Variants in TSPAN15 observed in about 807,000 individuals in gnomAD.
TSPAN15 encodes tetraspanin 15, also known as tetraspanin-15.
A neutral mutation model predicts 34.5 loss-of-function variants in TSPAN15; 20 were observed. That is an observed-to-expected ratio of 0.58 (90% CI 0.41 to 0.84). TSPAN15 has a LOEUF of 0.84. Among genes scored for constraint, TSPAN15 ranks in the 40% least tolerant of loss-of-function variants. The pLI, the probability that TSPAN15 is intolerant of heterozygous loss-of-function variation, is 0.00. For missense variants in TSPAN15, 313 were observed against 386.1 expected (o/e 0.81, Z 1.59); for synonymous variants, 155 against 153.9 (o/e 1.01, Z -0.05).
chr10:69,496,522 A>G (rs1368461273), intron 4 of TSPAN15, among the ~76,000 whole-genome samples: 1 of 152,078 alleles, frequency 6.6e-6, no homozygotes, highest in Non-Finnish European at 1.5e-5. Flanking sequence ...AATTCAGGAG[A>G]CGTGCTTAGA....
chr10:69,475,270 G>A (rs1164835933), intron 1 of TSPAN15, among the ~76,000 whole-genome samples: 1 of 152,156 alleles, frequency 6.6e-6, no homozygotes, highest in African/African-American at 2.4e-5. Context: ...TCATCGCAGA[G>A]TTCCTTCTTT....
the TSPAN15 span, among the ~76,000 whole-genome samples, chr10:69,547,394 T>C: frequency 6.6e-6 from 1 of 152,236 alleles, no homozygotes; most frequent in Non-Finnish European, 1.5e-5. Flanking sequence ...TGCTCACTGC[T>C]GGGAGAGATA....
the TSPAN15 span, among the ~76,000 whole-genome samples, chr10:69,548,921 G>C: frequency 1.3e-5 from 2 of 149,834 alleles, no homozygotes; most frequent in African/African-American, 4.8e-5. Flanking sequence ...ATATTTCAAT[G>C]GTGGGGCTAA....
At chr10:69,509,579 T>G (rs1842395004), downstream of TSPAN15, among the ~76,000 whole-genome samples, 1 of 152,186 alleles carries the variant, frequency 6.6e-6, no homozygotes. Context: ...CAGAAGCTCT[T>G]TAGTTTAATC....
chr10:69,517,812 C>A, the TSPAN15 span, among the ~76,000 whole-genome samples: 1 of 152,198 alleles, frequency 6.6e-6, no homozygotes, highest in South Asian at 2.1e-4. Flanking sequence ...GGAGCCAGGG[C>A]AACCCATGCA....
intron 4 of TSPAN15, among the ~76,000 whole-genome samples, chr10:69,496,014 C>G (rs1347275426): frequency 6.6e-6 from 1 of 152,122 alleles, no homozygotes; most frequent in East Asian, 1.9e-4. Context: ...CTTGCAGGGT[C>G]CCAGGGCACC....
At position 69,482,068 on chromosome 10, in the gene TSPAN15, C is replaced by CAA. The variant is rs759640769; in HGVS notation, c.97-1610_97-1609dup. ...TATGTTCTAGTGAGGAAGACAAATT[C>CAA]AAAAAAAAAAAAAACCAACCAGAAA... On this transcript the variant is annotated intron_variant, in intron 1 of 7. Transcript: ENST00000373290. Among the ~76,000 whole-genome samples the CAA allele has an allele frequency of 7.2e-4, 87 of 120,332 alleles. 1 individual carries two copies. Among genetic ancestry groups the CAA allele is most frequent in the African/African-American group, 2.0e-3 (67 of 33,700 alleles). The allele number at this position is 120,332 out of a possible 152,430, so 78.9% of individuals were successfully genotyped here. A position where few individuals can be genotyped will look rare whatever the true frequency, so the allele number is the denominator to read the frequency against.
At chr10:69,543,359 G>C in the TSPAN15 span, among the ~76,000 whole-genome samples, 1 of 152,178 alleles carries the variant, frequency 6.6e-6, no homozygotes, top group Non-Finnish European at 1.5e-5. Flanking sequence ...ATGGTGAAAA[G>C]TCTCCTTCCT....
chr10:69,502,281 C>T (rs1226809991), intron 5 of TSPAN15, among the ~76,000 whole-genome samples: 3 of 152,176 alleles, frequency 2.0e-5, no homozygotes, highest in South Asian at 2.1e-4. Context: ...ATATATCCCT[C>T]GGAGATGTTG....
chr10:69,461,121 G>A (rs1207134909), intron 1 of TSPAN15, among the ~76,000 whole-genome samples: 2 of 152,114 alleles, frequency 1.3e-5, no homozygotes, highest in Non-Finnish European at 2.9e-5. Context: ...CGTCTGCCAC[G>A]TGTCTCACCA....
chr10:69,475,185 T>TAA (rs1841590718), intron 1 of TSPAN15, among the ~76,000 whole-genome samples: 1 of 152,174 alleles, frequency 6.6e-6, no homozygotes, highest in Non-Finnish European at 1.5e-5. Context: ...TTCCCATGGC[T>TAA]GTTTCTGTGG....
intron 1 of TSPAN15, among the ~76,000 whole-genome samples, chr10:69,458,546 A>C (rs1674319632): frequency 6.6e-6 from 1 of 152,226 alleles, no homozygotes; most frequent in Admixed American, 6.5e-5. Context: ...TGAAACTCAA[A>C]TAGTGAAGCT....
intron 1 of TSPAN15, among the ~76,000 whole-genome samples, chr10:69,457,980 T>G (rs1328327837): frequency 2.0e-5 from 3 of 152,142 alleles, no homozygotes; most frequent in African/African-American, 7.2e-5. Flanking sequence ...AGTGCAGCCT[T>G]TTAAATTTAC....
Position 69,451,562 on chromosome 10 carries a change from G to A in TSPAN15, c.-33G>A. 7.2e-7 allele frequency: 1 copy of A among 1,392,742 alleles called. No individual in the cohort carries two copies. Among genetic ancestry groups the A allele is most frequent in the South Asian group, 1.6e-5 (1 of 62,502 alleles). 86.3% of individuals were successfully genotyped at this position (1,392,742 alleles called of 1,614,324 possible). A position where few individuals can be genotyped will look rare whatever the true frequency, so the allele number is the denominator to read the frequency against. ...TGAGGGACCGAGCCGGAGAGCCCCG[G>A]AGCCCCCGTAACCCGCGCGGGGAGC... On this transcript the variant is annotated 5_prime_UTR_variant, in exon 1 of 8. Coordinates refer to ENST00000373290, the MANE Select transcript of TSPAN15 (RefSeq NM_012339.5).
chr10:69,468,999 G>A (rs74139145), intron 1 of TSPAN15, among the ~76,000 whole-genome samples: 34,952 of 141,758 alleles, frequency 0.25, 4,310 homozygotes, highest in South Asian at 0.3. Flanking sequence ...TAAGGCCCTA[G>A]ACGGCCTTAG....
chr10:69,507,804 G>C (rs368500100), downstream of TSPAN15: 5 of 530,134 alleles, frequency 9.4e-6, no homozygotes, highest in Admixed American at 3.8e-5. Flanking sequence ...GGATACAGGT[G>C]GGGGGTTGGG....
chr10:69,507,777 A>T, downstream of TSPAN15: 1 of 646,380 alleles, frequency 1.5e-6, no homozygotes. Flanking sequence ...CATGGGGTGA[A>T]GATTTGGCAT....
chr10:69,539,494 A>G, the TSPAN15 span, among the ~76,000 whole-genome samples: 1,166 of 64,846 alleles, frequency 0.018, 29 homozygotes, highest in Middle Eastern at 0.038. Context: ...GAAGAAGAAG[A>G]AGAAGAAGAA....
At chr10:69,491,275 C>T (rs867138288) in intron 3 of TSPAN15, among the ~76,000 whole-genome samples, 6 of 152,322 alleles carry the variant, frequency 3.9e-5, no homozygotes, top group African/African-American at 4.8e-5. Context: ...GGTAAGTCCC[C>T]GTTCTAGAGG....
Sources: allele counts gnomAD v4.1 joint callset (sites outside exome capture counted in the v4.1 genomes callset), GRCh38; gene constraint gnomAD v4.1.1; transcripts MANE v1.5; gene names NCBI Gene and HGNC (gene_info 2026-07-23, HGNC 2026-07-21).